TET1: variants seen among roughly 807,000 people sequenced by gnomAD.
TET1 encodes methylcytosine dioxygenase TET1.
A neutral mutation model predicts 148.7 loss-of-function variants in TET1; 13 were observed. The ratio of observed to expected loss-of-function variants is 0.09; its 90% CI spans 0.06 to 0.14. The LOEUF (loss-of-function observed/expected upper bound fraction) is 0.14. Ranked by LOEUF, TET1 falls within the 10% of genes least tolerant of loss-of-function variation. TET1 has a pLI of 1.00. For synonymous variants in TET1, 907 were observed against 937.2 expected (o/e 0.97, Z 0.59); for missense variants, 2,182 against 2,553.8 (o/e 0.85, Z 3.14).
intron 2 of TET1, among the ~76,000 whole-genome samples, chr10:68,598,393 A>T (rs763288262): frequency 3.3e-5 from 5 of 152,278 alleles, no homozygotes; most frequent in Non-Finnish European, 7.3e-5. Flanking sequence ...CTCCAAAAAA[A>T]TAGTTAAAAT....
At chr10:68,653,125 G>T (rs2054964843) in intron 6 of TET1, among the ~76,000 whole-genome samples, 1 of 151,278 alleles carries the variant, frequency 6.6e-6, no homozygotes, top group African/African-American at 2.4e-5. Context: ...ACCACTTGTA[G>T]GTTATAAATC....
intron 2 of TET1, among the ~76,000 whole-genome samples, chr10:68,584,322 G>A (rs528933169): frequency 4.0e-4 from 60 of 151,878 alleles, no homozygotes; most frequent in African/African-American, 1.4e-3. Context: ...GATTACAGGA[G>A]TGAGCCACTG....
intron 2 of TET1, among the ~76,000 whole-genome samples, chr10:68,575,341 G>A (rs566022537): frequency 2.2e-4 from 34 of 151,980 alleles, no homozygotes; most frequent in African/African-American, 7.5e-4. Context: ...CCAAGATTGC[G>A]CCATTGCATT....
Position 68,583,641 on chromosome 10 carries a change from G to T in TET1, c.1914+9389G>T, listed in dbSNP as rs370823063. Among the ~76,000 whole-genome samples, 5 of 152,278 alleles carry T rather than the reference G, an allele frequency of 3.3e-5. No homozygotes were observed. The South Asian group carries it at 1.0e-3, about 32-fold the overall frequency. On this transcript the variant is annotated intron_variant, in intron 2 of 11. Coordinates refer to ENST00000373644, the MANE Select transcript of TET1 (RefSeq NM_030625.3). ...AGAAGTGAGATGCTTGACCGGACACGGTGGCTCTCGCCTGTAATCCCAGCA... is the reference window on the plus strand; with the variant it reads ...AGAAGTGAGATGCTTGACCGGACACTGTGGCTCTCGCCTGTAATCCCAGCA...
In TET1 at chr10:68,572,814, C is replaced by T. The variant is rs1381552311; in HGVS notation, c.476C>T (p.Pro159Leu). ...GVKHSENDSV[P>L]MQDTQVLPDI... ...AAGCACTCAGAAAATGATTCGGTTC[C>T]AATGCAAGACACCCAAGTCCTTCCT... The change falls in exon 2 of 12, where the codon CCA becomes CTA. Residue 159 changes from proline to leucine, a missense_variant. Coordinates refer to ENST00000373644, the MANE Select transcript of TET1 (RefSeq NM_030625.3). The T allele has an allele frequency of 1.2e-6, 2 of 1,614,058 alleles. No homozygotes were observed. The highest frequency in any genetic ancestry group is 3.3e-5 in the Admixed American group (2 of 59,992).
intron 3 of TET1, among the ~76,000 whole-genome samples, chr10:68,608,996 TTTTG>T (rs61453227): frequency 0.023 from 3,486 of 151,692 alleles, 55 homozygotes; most frequent in Middle Eastern, 0.051. Context: ...TGGCCCATAG[TTTTG>T]TTTGTTTGTT....
chr10:68,670,417 A>G (rs549138034), intron 7 of TET1, among the ~76,000 whole-genome samples: 7 of 152,338 alleles, frequency 4.6e-5, no homozygotes, highest in Admixed American at 3.3e-4. Context: ...AAGTCAGGCT[A>G]TGAAATACAA....
At chr10:68,617,188 AT>A (rs61509147) in intron 3 of TET1, among the ~76,000 whole-genome samples, 1 of 136,220 alleles carries the variant, frequency 7.3e-6, no homozygotes, top group Non-Finnish European at 1.6e-5. Context: ...CGCCTGGCTA[AT>A]TTTTTTTTGT....
At chr10:68,578,510 G>A (rs1050524938) in intron 2 of TET1, among the ~76,000 whole-genome samples, 10 of 152,064 alleles carry the variant, frequency 6.6e-5, no homozygotes, top group South Asian at 2.1e-4. Context: ...TGCCTGCCTC[G>A]GCCTCACAAA....
intron 2 of TET1, among the ~76,000 whole-genome samples, chr10:68,595,466 G>C (rs2053966861): frequency 6.6e-6 from 1 of 151,970 alleles, no homozygotes; most frequent in African/African-American, 2.4e-5. Flanking sequence ...ATTCCTTGTA[G>C]TATGCTGCTG....
At chr10:68,597,030 A>ATTTTTTTTCTTTTTTTTT (rs2053996450) in intron 2 of TET1, among the ~76,000 whole-genome samples, 1 of 98,894 alleles carries the variant, frequency 1.0e-5, no homozygotes, top group Non-Finnish European at 1.9e-5. Context: ...CAGCTAATGG[A>ATTTTTTTTCTTTTTTTTT]TTTTTTTTTT....
chr10:68,576,419 TGGGAGGGCTCAGGCA>T (rs1490348131), intron 2 of TET1, among the ~76,000 whole-genome samples: 1 of 151,296 alleles, frequency 6.6e-6, no homozygotes, highest in African/African-American at 2.4e-5. Flanking sequence ...CTCAGCACTT[TGGGAGGGCTCAGGCA>T]GGTGGACTGC....
chr10:68,593,210 G>A (rs113694797), intron 2 of TET1, among the ~76,000 whole-genome samples: 4,348 of 130,368 alleles, frequency 0.033, 112 homozygotes, highest in African/African-American at 0.08. Context: ...CCAGCCTGGC[G>A]AGAGAGTGAA....
At chr10:68,595,961 T>TATAC (rs1388095909) in intron 2 of TET1, among the ~76,000 whole-genome samples, 2 of 37,292 alleles carry the variant, frequency 5.4e-5, no homozygotes, top group African/African-American at 8.7e-5. Flanking sequence ...TATATATATA[T>TATAC]ACACACACAC....
At chr10:68,612,420 A>G (rs879357183) in intron 3 of TET1, among the ~76,000 whole-genome samples, 1 of 151,970 alleles carries the variant, frequency 6.6e-6, no homozygotes. Context: ...ATCAGCAGGT[A>G]CTAGGACCCA....
intron 3 of TET1, among the ~76,000 whole-genome samples, chr10:68,630,487 G>A (rs367816383): frequency 4.6e-5 from 7 of 152,234 alleles, no homozygotes; most frequent in African/African-American, 1.7e-4. Flanking sequence ...GCTCATTTTT[G>A]TATTATTAGT....
intron 3 of TET1, among the ~76,000 whole-genome samples, chr10:68,616,761 G>A (rs563533608): frequency 1.5e-4 from 22 of 151,028 alleles, no homozygotes; most frequent in African/African-American, 4.9e-4. Flanking sequence ...AGGCTGGAGT[G>A]CAGTGGCGCA....
At chr10:68,594,754 T>C (rs1436458099) in intron 2 of TET1, among the ~76,000 whole-genome samples, 4 of 152,044 alleles carry the variant, frequency 2.6e-5, no homozygotes, top group African/African-American at 9.7e-5. Flanking sequence ...TGAGGTAGGC[T>C]GACCACTTGA....
chr10:68,572,916 C>T lies in TET1; in HGVS notation c.578C>T (p.Ser193Phe), dbSNP rs1399401605. The change falls in exon 2 of 12, where the codon TCC becomes TTC. Residue 193 changes from serine to phenylalanine, a missense_variant. By Grantham distance (155) the Ser-to-Phe change is radical. Coordinates refer to ENST00000373644, the MANE Select transcript of TET1 (RefSeq NM_030625.3). ...GKSQETTQFW[S>F]QRVEDSKINI... is the part of the protein sequence containing the mutation. Reference sequence around the variant, plus strand: ...AGCCAAGAGACAACTCAGTTTTGGTCCCAAAGAGTTGAGGATTCCAAGATC... The same window carrying T: ...AGCCAAGAGACAACTCAGTTTTGGTTCCAAAGAGTTGAGGATTCCAAGATC... 6.2e-7 allele frequency: 1 copy of T among 1,614,096 alleles called. No individual in the cohort carries two copies.
Sources: gnomAD v4.1 joint callset for allele counts (sites outside exome capture counted in the v4.1 genomes callset) on GRCh38, gnomAD v4.1.1 for gene constraint, MANE v1.5 for transcripts, NCBI Gene and HGNC (gene_info 2026-07-23, HGNC 2026-07-21) for gene names.